PIK3CB: variants seen among roughly 807,000 people sequenced by gnomAD.
The protein encoded by PIK3CB is phosphatidylinositol-4,5-bisphosphate 3-kinase catalytic subunit beta.
A neutral mutation model predicts 136.8 loss-of-function variants in PIK3CB; 39 were observed. The ratio of observed to expected loss-of-function variants is 0.29; its 90% CI spans 0.22 to 0.37. PIK3CB has a LOEUF of 0.37. Ranked by LOEUF, PIK3CB falls within the 10% of genes least tolerant of loss-of-function variation. The probability of loss-of-function intolerance (pLI) is 1.00; values close to 1 mark genes in which losing one functional copy is unlikely to be tolerated. For missense variants in PIK3CB, 868 were observed against 1,275.4 expected, an observed-to-expected ratio of 0.68 and a Z score of 4.87; for synonymous variants, 428 against 436.6, an observed-to-expected ratio of 0.98 and a Z score of 0.25.
At chr3:138,765,248 CG>C (rs1275952877) in intron 2 of PIK3CB, among the ~76,000 whole-genome samples, 2 of 152,040 alleles carry the variant, frequency 1.3e-5, no homozygotes. Context: ...AACTGAGAGA[CG>C]GAAGTTGCAG....
At chr3:138,724,494 C>A (rs1252919293) in intron 8 of PIK3CB, among the ~76,000 whole-genome samples, 2 of 152,050 alleles carry the variant, frequency 1.3e-5, no homozygotes, top group Admixed American at 6.6e-5. Flanking sequence ...AAGTCATTGG[C>A]CACTGTTAAG....
chr3:138,663,255 G>A (rs1193080905), intron 21 of PIK3CB, among the ~76,000 whole-genome samples: 1 of 152,204 alleles, frequency 6.6e-6, no homozygotes, highest in Non-Finnish European at 1.5e-5. Context: ...CAAAGGATAT[G>A]AATAGCATTG....
At chr3:138,829,343 A>C (rs1346696122) in intron 1 of PIK3CB, among the ~76,000 whole-genome samples, 2 of 152,198 alleles carry the variant, frequency 1.3e-5, no homozygotes, top group Non-Finnish European at 2.9e-5. Context: ...AATCCACTGG[A>C]ACAGGAGAAT....
chr3:138,815,074 A>C (rs1933244552), intron 1 of PIK3CB, among the ~76,000 whole-genome samples: 1 of 136,430 alleles, frequency 7.3e-6, no homozygotes, highest in Non-Finnish European at 1.5e-5. Flanking sequence ...TAGGAGGCGG[A>C]GCTTGCAGTG....
chr3:138,717,940 G>A (rs1340037341), intron 8 of PIK3CB, among the ~76,000 whole-genome samples: 1 of 152,104 alleles, frequency 6.6e-6, no homozygotes, highest in African/African-American at 2.4e-5. Context: ...TGTCACTGAT[G>A]GGCATTTAGG....
At chr3:138,820,644 C>G (rs551459389) in intron 1 of PIK3CB, among the ~76,000 whole-genome samples, 3 of 152,230 alleles carry the variant, frequency 2.0e-5, no homozygotes, top group South Asian at 4.1e-4. Flanking sequence ...CAAGTGCGCA[C>G]CACCACACCT....
intron 4 of PIK3CB, among the ~76,000 whole-genome samples, chr3:138,754,450 C>CA (rs1230600747): frequency 6.6e-6 from 1 of 151,952 alleles, no homozygotes; most frequent in Non-Finnish European, 1.5e-5. Context: ...ACCAAAAAAA[C>CA]AAAAACAGAA....
At chr3:138,722,547 A>G (rs767639341) in intron 8 of PIK3CB, among the ~76,000 whole-genome samples, 6 of 152,114 alleles carry the variant, frequency 3.9e-5, no homozygotes, top group Non-Finnish European at 8.8e-5. Context: ...ATAAGTTCCC[A>G]CCATATAATA....
At chr3:138,755,516 A>G (rs2045548897) in intron 4 of PIK3CB, among the ~76,000 whole-genome samples, 1 of 152,112 alleles carries the variant, frequency 6.6e-6, no homozygotes, top group Admixed American at 6.6e-5. Context: ...ATTAGACAAC[A>G]AAAACATATA....
At chr3:138,704,340 A>G (rs2044318643) in intron 12 of PIK3CB, 103 bp downstream of exon 12, 1 of 821,574 alleles carries the variant, frequency 1.2e-6, no homozygotes, top group Non-Finnish European at 2.1e-6. Context: ...CTGTTCTTGC[A>G]TATGAGTTAC....
chr3:138,690,369 T>C (rs150129575), intron 15 of PIK3CB, among the ~76,000 whole-genome samples: 104 of 152,172 alleles, frequency 6.8e-4, no homozygotes, highest in African/African-American at 2.1e-3. Flanking sequence ...AAAAAAAATG[T>C]CTGAGTACAG....
intron 8 of PIK3CB, among the ~76,000 whole-genome samples, chr3:138,718,518 A>C (rs1204994771): frequency 6.6e-6 from 1 of 152,070 alleles, no homozygotes; most frequent in Non-Finnish European, 1.5e-5. Flanking sequence ...TCTTACGTTT[A>C]GTTAAATCCC....
In PIK3CB at chr3:138,714,533, T is replaced by C. The variant is rs1348630621; in HGVS notation, c.1237A>G (p.Thr413Ala). 1 of 1,612,866 alleles carries C rather than the reference T, an allele frequency of 6.2e-7. No homozygotes were observed. Among genetic ancestry groups the C allele is most frequent in the African/African-American group, 1.3e-5 (1 of 75,040 alleles). The change falls in exon 9 of 24, where the codon ACG (threonine) becomes GCG (alanine). Residue 413 changes from threonine to alanine, a missense_variant. This residue lies in a region of PIK3CB where 612 missense variants were observed against 801.1 expected (regional missense o/e 0.76). Transcript: ENST00000674063. ...TTAATAGTTTTCGTTGATTTCTTCGTTTTTACTTTATCCAAAACTGCATAA... is the reference window on the plus strand; with the variant it reads ...TTAATAGTTTTCGTTGATTTCTTCGCTTTTACTTTATCCAAAACTGCATAA... ...AVYAVLDKVK[T>A]KKSTKTINPS...
chr3:138,716,269 T>C (rs2044604708), intron 8 of PIK3CB, among the ~76,000 whole-genome samples: 1 of 152,168 alleles, frequency 6.6e-6, no homozygotes, highest in Non-Finnish European at 1.5e-5. Flanking sequence ...CCTGGTCCCA[T>C]ATTGCTCCAG....
intron 2 of PIK3CB, among the ~76,000 whole-genome samples, chr3:138,784,414 C>T (rs954999717): frequency 6.6e-6 from 1 of 152,052 alleles, no homozygotes; most frequent in Admixed American, 6.6e-5. Flanking sequence ...CTCTCCCTCC[C>T]CCTCCCCCTC....
At chr3:138,729,416 G>C (rs991914784) in intron 8 of PIK3CB, among the ~76,000 whole-genome samples, 6 of 152,132 alleles carry the variant, frequency 3.9e-5, no homozygotes, top group Middle Eastern at 3.2e-3. Context: ...CATTATTCTG[G>C]GTGATTTTGG....
chr3:138,834,470 T>C (rs1934180978), intron 1 of PIK3CB, among the ~76,000 whole-genome samples: 1 of 152,028 alleles, frequency 6.6e-6, no homozygotes, highest in South Asian at 2.1e-4. Context: ...CCACTCACCT[T>C]GGAGAGCCCA....
chr3:138,714,026 C>A (rs1027230141), intron 9 of PIK3CB, among the ~76,000 whole-genome samples: 1 of 152,140 alleles, frequency 6.6e-6, no homozygotes, highest in African/African-American at 2.4e-5. Flanking sequence ...CACATTTATG[C>A]CCCAGACCCC....
At position 138,672,984 on chromosome 3, in the gene PIK3CB, A is replaced by G. The variant is rs1165999729; in HGVS notation, c.2505-7781T>C. 2.6e-5 allele frequency among the ~76,000 whole-genome samples: 4 copies of G among 152,084 alleles called. No homozygotes were observed. The East Asian group carries it at 5.8e-4, about 22-fold the overall frequency. On this transcript the variant is annotated intron_variant, in intron 19 of 23. Transcript: ENST00000674063. The stretch of plus-strand genomic sequence containing the variant: ...TAGAAAGTCTAAGCAGAAAAAAAAT[A>G]CAATACAGGAGAGTAAACATTGTTG...
Sources: gnomAD v4.1 joint callset for allele counts (sites outside exome capture counted in the v4.1 genomes callset) on GRCh38, gnomAD v4.1.1 for gene constraint, gnomAD v4.1.1 regional missense constraint, MANE v1.5 for transcripts, NCBI Gene and HGNC (gene_info 2026-07-23, HGNC 2026-07-21) for gene names.